Variants in KLF8 observed in about 807,000 individuals in gnomAD.
KLF8 encodes Krueppel-like factor 8.
Under a neutral mutation model 18.2 loss-of-function variants are expected in KLF8, and 10 were observed. The observed-to-expected ratio is 0.55, with a 90% CI of 0.34 to 0.93. The LOEUF (loss-of-function observed/expected upper bound fraction) is 0.93, where lower values mean the gene tolerates loss of function less well. KLF8 is among the 40% of genes least tolerant of loss of function. The probability of loss-of-function intolerance (pLI) is 0.02; values close to 1 mark genes in which losing one functional copy is unlikely to be tolerated. For synonymous variants in KLF8, 109 were observed against 97.3 expected (o/e 1.12, Z -0.71); for missense variants, 264 against 277.9 (o/e 0.95, Z 0.36).
the KLF8 span, among the ~76,000 whole-genome samples, chrX:55,939,784 G>A: frequency 8.9e-6 from 1 of 111,847 alleles, no homozygotes; most frequent in African/African-American, 3.3e-5. Context: ...GGAAGAAATG[G>A]ATAAATTCCT....
the KLF8 span, among the ~76,000 whole-genome samples, chrX:56,180,076 C>A: frequency 9.0e-6 from 1 of 111,615 alleles, no homozygotes; most frequent in African/African-American, 3.3e-5. Flanking sequence ...GTACCAGCCC[C>A]TCCTTGTACA....
the KLF8 span, among the ~76,000 whole-genome samples, chrX:56,090,747 C>A: frequency 1.8e-5 from 2 of 111,358 alleles, no homozygotes; most frequent in African/African-American, 6.5e-5. Context: ...ACACTGTACC[C>A]AATACATAAT....
the KLF8 span, among the ~76,000 whole-genome samples, chrX:56,154,835 C>A: frequency 8.9e-6 from 1 of 111,879 alleles, no homozygotes; most frequent in Non-Finnish European, 1.9e-5. Context: ...ATTTATGCAG[C>A]CAAAAGACAC....
At chrX:56,167,159 C>G in the KLF8 span, among the ~76,000 whole-genome samples, 2 of 111,131 alleles carry the variant, frequency 1.8e-5, no homozygotes, top group Non-Finnish European at 3.8e-5. Flanking sequence ...GGGATAGAGT[C>G]TTGTTCTGTC....
chrX:55,965,314 G>A, the KLF8 span, among the ~76,000 whole-genome samples: 1 of 112,006 alleles, frequency 8.9e-6, no homozygotes, highest in East Asian at 2.8e-4. Context: ...TGAAGAAAAG[G>A]CTTTCAATGA....
chrX:55,995,498 G>T, the KLF8 span, among the ~76,000 whole-genome samples: 5 of 112,272 alleles, frequency 4.5e-5, no homozygotes, highest in Non-Finnish European at 9.4e-5. Flanking sequence ...ACTTACATGT[G>T]TTTTTGTGGT....
chrX:55,983,211 T>C, the KLF8 span, among the ~76,000 whole-genome samples: 1 of 111,553 alleles, frequency 9.0e-6, no homozygotes, highest in Non-Finnish European at 1.9e-5. Context: ...TTTTTGTAGG[T>C]GATGGATATT....
the KLF8 span, among the ~76,000 whole-genome samples, chrX:56,035,676 T>C: frequency 8.9e-6 from 1 of 112,297 alleles, no homozygotes; most frequent in African/African-American, 3.2e-5. Flanking sequence ...TGAAATGATA[T>C]CTCATTGGGT....
chrX:56,251,854 A>G (rs1241252347), intron 2 of KLF8, among the ~76,000 whole-genome samples: 1 of 111,599 alleles, frequency 9.0e-6, no homozygotes, highest in Non-Finnish European at 1.9e-5. Flanking sequence ...AAATAATCAC[A>G]TTATGGAGAA....
At chrX:56,096,355 G>A in the KLF8 span, among the ~76,000 whole-genome samples, 2 of 110,866 alleles carry the variant, frequency 1.8e-5, no homozygotes, top group Non-Finnish European at 3.8e-5. Context: ...GTACACTGTG[G>A]GTGATAGGTA....
the KLF8 span, among the ~76,000 whole-genome samples, chrX:56,035,266 G>A: frequency 2.7e-5 from 3 of 111,577 alleles, no homozygotes; most frequent in Admixed American, 9.5e-5. Context: ...ATATCCTCCA[G>A]TTCCATCCAC....
At chrX:56,034,124 C>A in the KLF8 span, among the ~76,000 whole-genome samples, 2 of 111,844 alleles carry the variant, frequency 1.8e-5, no homozygotes, top group Non-Finnish European at 3.8e-5. Context: ...GCTATATTTT[C>A]TTTTAGTATT....
intron 2 of KLF8, among the ~76,000 whole-genome samples, chrX:56,257,612 T>C (rs977255094): frequency 2.7e-5 from 3 of 111,997 alleles, no homozygotes; most frequent in African/African-American, 6.5e-5. Flanking sequence ...ATGCAGTATT[T>C]GGTTTCCTGT....
chrX:55,990,451 A>C, the KLF8 span, among the ~76,000 whole-genome samples: 1 of 112,013 alleles, frequency 8.9e-6, no homozygotes, highest in Non-Finnish European at 1.9e-5. Flanking sequence ...CCTTCATTTC[A>C]TTATGTACCC....
chrX:56,022,235 A>G, the KLF8 span, among the ~76,000 whole-genome samples: 1 of 111,023 alleles, frequency 9.0e-6, no homozygotes, highest in Non-Finnish European at 1.9e-5. Context: ...GCAGAAATCC[A>G]TGGAGCCTTT....
At chrX:56,141,302 G>A in the KLF8 span, among the ~76,000 whole-genome samples, 3 of 111,426 alleles carry the variant, frequency 2.7e-5, no homozygotes, top group Admixed American at 2.9e-4. Flanking sequence ...TTAAGACTCA[G>A]GTCATTTATA....
chrX:56,122,415 CAT>C, the KLF8 span, among the ~76,000 whole-genome samples: 2 of 111,320 alleles, frequency 1.8e-5, no homozygotes, highest in African/African-American at 6.5e-5. Context: ...AAATAAATGA[CAT>C]ACAATATGCA....
chrX:56,032,353 G>A, the KLF8 span, among the ~76,000 whole-genome samples: 226 of 110,985 alleles, frequency 2.0e-3, 2 homozygotes, highest in African/African-American at 6.9e-3. Context: ...TTTATATTTA[G>A]TAAAATTTAT....
the KLF8 span, among the ~76,000 whole-genome samples, chrX:56,176,247 T>C: frequency 1.9e-4 from 21 of 112,068 alleles, 1 homozygote; most frequent in Admixed American, 2.0e-3. Context: ...GTACCGGTTG[T>C]TCCTTTCCAT....
Sources: gnomAD v4.1 joint callset for allele counts (sites outside exome capture counted in the v4.1 genomes callset) on GRCh38, gnomAD v4.1.1 for gene constraint, MANE v1.5 for transcripts, NCBI Gene and HGNC (gene_info 2026-07-23, HGNC 2026-07-21) for gene names.